CFAP161: variants seen among roughly 807,000 people sequenced by gnomAD.
The protein encoded by CFAP161 is cilia and flagella associated protein 161.
Under a neutral mutation model 29.0 loss-of-function variants are expected in CFAP161, and 25 were observed. The observed-to-expected ratio is 0.86, with a 90% CI of 0.63 to 1.20. The LOEUF is 1.20. Among genes scored for constraint, CFAP161 ranks in the 50% most tolerant of loss-of-function variants. CFAP161 has a pLI of 0.00. For missense variants in CFAP161, 367 were observed against 371.9 expected (o/e 0.99, Z 0.11); for synonymous variants, 116 against 137.4 (o/e 0.84, Z 1.09).
At chr15:81,145,196 C>T (rs1259140464) in intron 5 of CFAP161, among the ~76,000 whole-genome samples, 1 of 152,236 alleles carries the variant, frequency 6.6e-6, no homozygotes, top group Non-Finnish European at 1.5e-5. Context: ...TCACCTCTGC[C>T]AGGTGGACCC....
chr15:81,122,855 C>A (rs764647116), intron 1 of CFAP161, among the ~76,000 whole-genome samples: 76 of 152,048 alleles, frequency 5.0e-4, no homozygotes, highest in Non-Finnish European at 1.5e-4. Flanking sequence ...AGTGTCTGCT[C>A]ATGTCTTTTA....
At chr15:81,100,538 C>A (rs373557163) in intron 1 of CFAP161, among the ~76,000 whole-genome samples, 4 of 152,198 alleles carry the variant, frequency 2.6e-5, no homozygotes, top group African/African-American at 9.6e-5. Context: ...AGGCTAGCTC[C>A]ATTTTTCTTC....
At chr15:81,137,036 C>T (rs951827748) in intron 3 of CFAP161, among the ~76,000 whole-genome samples, 2 of 151,770 alleles carry the variant, frequency 1.3e-5, no homozygotes, top group African/African-American at 4.8e-5. Context: ...TAGGTTTTCC[C>T]TATAACATTT....
At chr15:81,125,921 G>A (rs1432847904) in intron 1 of CFAP161, among the ~76,000 whole-genome samples, 3 of 152,140 alleles carry the variant, frequency 2.0e-5, no homozygotes, top group Non-Finnish European at 4.4e-5. Flanking sequence ...CTAGGCTGGA[G>A]TGCAGTGGCA....
At chr15:81,138,773 C>A (rs1595918385) in intron 4 of CFAP161, among the ~76,000 whole-genome samples, 1 of 152,082 alleles carries the variant, frequency 6.6e-6, no homozygotes. Context: ...GTAAATGCTT[C>A]ACATATTTCA....
intron 6 of CFAP161, 56 bp from the exon 7 acceptor site, chr15:81,148,282 G>T: frequency 6.8e-7 from 1 of 1,466,464 alleles, no homozygotes; most frequent in East Asian, 2.3e-5. Flanking sequence ...ATTAATAACA[G>T]CTTATTGAGA....
intron 1 of CFAP161, among the ~76,000 whole-genome samples, chr15:81,115,577 A>C (rs1194890281): frequency 6.6e-6 from 1 of 152,242 alleles, no homozygotes; most frequent in Non-Finnish European, 1.5e-5. Flanking sequence ...ACATTTAATA[A>C]ATAACAGATC....
At chr15:81,126,936 G>A (rs1167301395) in intron 1 of CFAP161, among the ~76,000 whole-genome samples, 1 of 152,182 alleles carries the variant, frequency 6.6e-6, no homozygotes, top group Admixed American at 6.6e-5. Flanking sequence ...AAAATAGAGA[G>A]ATAGAGAACA....
intron 5 of CFAP161, among the ~76,000 whole-genome samples, chr15:81,146,610 A>G (rs955499493): frequency 9.9e-5 from 15 of 151,666 alleles, no homozygotes; most frequent in African/African-American, 3.6e-4. Flanking sequence ...GTGTGTATAA[A>G]TATATATACA....
intron 1 of CFAP161, among the ~76,000 whole-genome samples, chr15:81,117,409 A>G (rs758263368): frequency 5.9e-5 from 9 of 152,150 alleles, no homozygotes; most frequent in Non-Finnish European, 1.3e-4. Context: ...AATGCTTACA[A>G]TTTTGTTGGG....
chr15:81,145,678 C>G (rs1894994659), intron 5 of CFAP161, among the ~76,000 whole-genome samples: 1 of 152,152 alleles, frequency 6.6e-6, no homozygotes, highest in African/African-American at 2.4e-5. Flanking sequence ...AAACCCCAAA[C>G]CTGTCTGAGC....
At chr15:81,118,576 G>A (rs534180838) in intron 1 of CFAP161, among the ~76,000 whole-genome samples, 1 of 152,300 alleles carries the variant, frequency 6.6e-6, no homozygotes, top group East Asian at 1.9e-4. Context: ...GCTAGTCCGC[G>A]GGGGGCTCGC....
upstream of CFAP161, among the ~76,000 whole-genome samples, chr15:81,133,894 T>TTGCTGC (rs67632824): frequency 4.1e-4 from 62 of 149,842 alleles, no homozygotes; most frequent in East Asian, 7.0e-3. Flanking sequence ...TAGGGCGAAA[T>TTGCTGC]TGCTGCTGCT....
chr15:81,114,615 A>G (rs759932679), intron 1 of CFAP161, among the ~76,000 whole-genome samples: 1 of 152,238 alleles, frequency 6.6e-6, no homozygotes, highest in Admixed American at 6.5e-5. Flanking sequence ...TATGCATGTC[A>G]TAGTAAACTA....
At position 81,138,593 on chromosome 15, in the gene CFAP161, G is replaced by A. The variant is rs903966953; in HGVS notation, c.477+458G>A. Among the ~76,000 whole-genome samples the A allele has an allele frequency of 2.0e-5, 3 of 152,126 alleles. No homozygotes were observed. The South Asian group carries it at 6.2e-4, about 32-fold the overall frequency. ...AGATGCTTAAATTTGCATAAATCAGGGAGCCTTGGGGATTAGGAAGTATAA... is the reference window on the plus strand; with the variant it reads ...AGATGCTTAAATTTGCATAAATCAGAGAGCCTTGGGGATTAGGAAGTATAA... On this transcript the variant is annotated intron_variant, in intron 4 of 6. Coordinates refer to ENST00000286732, the MANE Select transcript of CFAP161 (RefSeq NM_173528.4).
At position 81,148,570 on chromosome 15, in the gene CFAP161, C is replaced by T; in HGVS notation, c.*37C>T. ...CGTGCATGTTTTCCCTGGTCCCGCT[C>T]TCATCAAATGTAGCTTTAAAAGAAA... is the stretch of plus-strand genomic sequence containing the variant. On this transcript the variant is annotated 3_prime_UTR_variant, in exon 7 of 7. Transcript: ENST00000286732. 1 of 1,568,618 alleles carries T rather than the reference C, an allele frequency of 6.4e-7. No individual in the cohort carries two copies. The highest frequency in any genetic ancestry group is 1.9e-4 in the Middle Eastern group (1 of 5,322).
chr15:81,143,872 A>G (rs1176125181), intron 5 of CFAP161, 52 bp downstream of exon 5: 3 of 1,572,000 alleles, frequency 1.9e-6, no homozygotes, highest in Non-Finnish European at 2.6e-6. Flanking sequence ...AATGGATGCA[A>G]TTTATTCCTG....
At position 81,134,409 on chromosome 15, in the gene CFAP161, T is replaced by A; in HGVS notation, c.69+11T>A. 2 of 1,576,322 alleles carry A rather than the reference T, an allele frequency of 1.3e-6. No individual in the cohort carries two copies. The highest frequency in any genetic ancestry group is 2.3e-5 in the South Asian group (2 of 85,652). On this transcript the variant is annotated intron_variant, in intron 1 of 6. Coordinates refer to ENST00000286732, the MANE Select transcript of CFAP161 (RefSeq NM_173528.4). ...GTCTACCTGGAGGAGGTACGCAGGG[T>A]GTGGCCAGGCGCAGACCCGCAGCTC...
upstream of CFAP161, among the ~76,000 whole-genome samples, chr15:81,133,980 T>C (rs185667126): frequency 3.0e-4 from 45 of 152,310 alleles, no homozygotes; most frequent in African/African-American, 1.1e-3. Flanking sequence ...AGCTCCTCTT[T>C]GTTGCCTCGA....
Sources: allele counts gnomAD v4.1 joint callset (sites outside exome capture counted in the v4.1 genomes callset), GRCh38; gene constraint gnomAD v4.1.1; transcripts MANE v1.5; gene names NCBI Gene and HGNC (gene_info 2026-07-23, HGNC 2026-07-21).